Variants in RNF150 observed in about 807,000 individuals in gnomAD.
RNF150 encodes ring finger protein 150.
Under a neutral mutation model 39.3 loss-of-function variants are expected in RNF150, and 24 were observed. That is an observed-to-expected ratio of 0.61 (90% CI 0.44 to 0.86). RNF150 has a LOEUF of 0.86. Ranked by LOEUF, RNF150 falls within the 40% of genes least tolerant of loss-of-function variation. RNF150 has a pLI of 0.00. For synonymous variants in RNF150, 255 were observed against 227.3 expected (o/e 1.12, Z -1.10); for missense variants, 502 against 587.8 (o/e 0.85, Z 1.51).
chr4:141,173,206 C>G (rs974704150), intron 1 of RNF150, among the ~76,000 whole-genome samples: 1 of 152,108 alleles, frequency 6.6e-6, no homozygotes, highest in African/African-American at 2.4e-5. Context: ...ATTTATAAGG[C>G]TTTCTCTTAT....
At chr4:140,884,889 G>A (rs1294153555) in intron 6 of RNF150, among the ~76,000 whole-genome samples, 5 of 152,148 alleles carry the variant, frequency 3.3e-5, no homozygotes, top group African/African-American at 9.7e-5. Flanking sequence ...ATACTAGAGG[G>A]GAGGGGCTCT....
chr4:141,180,113 C>A (rs1447385383), intron 1 of RNF150, among the ~76,000 whole-genome samples: 2 of 152,114 alleles, frequency 1.3e-5, no homozygotes, highest in African/African-American at 4.8e-5. Flanking sequence ...TCTCACATAA[C>A]AAGAAGTCTG....
At chr4:141,123,954 A>G (rs1192700471) in intron 1 of RNF150, among the ~76,000 whole-genome samples, 1 of 152,090 alleles carries the variant, frequency 6.6e-6, no homozygotes, top group African/African-American at 2.4e-5. Context: ...TCTATCATTG[A>G]TGGATATTTG....
intron 1 of RNF150, among the ~76,000 whole-genome samples, chr4:141,039,410 GGAGGAGAAAAAAGGGA>G (rs894288916): frequency 4.6e-5 from 7 of 151,698 alleles, no homozygotes; most frequent in African/African-American, 9.7e-5. Context: ...GAAAGAAAGG[GGAGGAGAAAAAAGGGA>G]GAGGAGAAAA....
rs569268019 is a variant in RNF150 at position 141,092,315 on chromosome 4, C to T, written c.484+40010G>A. ...CTGAGATTGCGCCACTGCACTCCAG[C>T]CTGGGCAACAGAGCAAGACTCCCTG... On this transcript the variant is annotated intron_variant, in intron 1 of 6. Transcript: ENST00000515673. Among the ~76,000 whole-genome samples, 81 of 151,472 alleles carry T rather than the reference C, an allele frequency of 5.3e-4. 1 individual carries two copies. Among genetic ancestry groups the T allele is most frequent in the African/African-American group, 1.9e-3 (78 of 41,160 alleles).
At chr4:140,961,711 A>C (rs1013085214) in intron 2 of RNF150, among the ~76,000 whole-genome samples, 10 of 152,220 alleles carry the variant, frequency 6.6e-5, no homozygotes, top group Admixed American at 2.0e-4. Flanking sequence ...AAGGAGTGTT[A>C]ACTTTTAACA....
chr4:140,963,691 A>G (rs1988316743), intron 2 of RNF150, among the ~76,000 whole-genome samples: 1 of 152,090 alleles, frequency 6.6e-6, no homozygotes, highest in Non-Finnish European at 1.5e-5. Context: ...ATATAATCTC[A>G]CACACATTAG....
intron 1 of RNF150, among the ~76,000 whole-genome samples, chr4:141,018,509 C>G (rs1160460488): frequency 6.6e-6 from 1 of 152,132 alleles, no homozygotes; most frequent in Non-Finnish European, 1.5e-5. Context: ...ATGGTTATAA[C>G]TCCCTCTAGT....
At chr4:141,155,994 G>A (rs980482497) in intron 1 of RNF150, among the ~76,000 whole-genome samples, 4 of 151,060 alleles carry the variant, frequency 2.6e-5, no homozygotes, top group Non-Finnish European at 5.9e-5. Context: ...ATGGCTGGAA[G>A]GAGGAGGAAA....
At chr4:141,113,963 A>G (rs2111068220) in intron 1 of RNF150, among the ~76,000 whole-genome samples, 1 of 152,348 alleles carries the variant, frequency 6.6e-6, no homozygotes, top group African/African-American at 2.4e-5. Flanking sequence ...GAAACCAAAA[A>G]GAACAAAAAC....
In RNF150 at chr4:141,029,725, G is replaced by C. The variant is rs141453509; in HGVS notation, c.485-61852C>G. Among the ~76,000 whole-genome samples the C allele has an allele frequency of 1.1e-3, 174 of 152,264 alleles. 1 individual carries two copies. Among genetic ancestry groups the C allele is most frequent in the African/African-American group, 4.1e-3 (170 of 41,560 alleles). ...AAAAACAGTCCTATTGGTTAACAGA[G>C]TGAAAAGACAACCTATGGAATGTGA... On this transcript the variant is annotated intron_variant, in intron 1 of 6. Coordinates refer to ENST00000515673, the MANE Select transcript of RNF150 (RefSeq NM_020724.2).
chr4:141,210,043 G>C (rs1728437435), intron 1 of RNF150, among the ~76,000 whole-genome samples: 1 of 107,492 alleles, frequency 9.3e-6, no homozygotes, highest in African/African-American at 3.5e-5. Context: ...ATGGTCATTA[G>C]TCACAGATAA....
chr4:141,102,656 G>A lies in RNF150; in HGVS notation c.484+29669C>T, dbSNP rs545833872. ...ATCAGGCATCAGCACCATGATTATC[G>A]CAACAGATGACCATGGCTCGGAGGC... On this transcript the variant is annotated intron_variant, in intron 1 of 6. Transcript: ENST00000515673. Among the ~76,000 whole-genome samples the A allele has an allele frequency of 3.4e-3, 523 of 152,186 alleles. 1 individual carries two copies. Among genetic ancestry groups the A allele is most frequent in the Non-Finnish European group, 5.5e-3 (374 of 68,008 alleles).
chr4:140,982,609 C>G lies in RNF150; in HGVS notation c.485-14736G>C, dbSNP rs534354380. 2.0e-5 allele frequency among the ~76,000 whole-genome samples: 3 copies of G among 149,870 alleles called. 1 individual carries two copies. The South Asian group carries it at 6.3e-4, about 32-fold the overall frequency. On this transcript the variant is annotated intron_variant, in intron 1 of 6. Transcript: ENST00000515673. Reference sequence around the variant, plus strand: ...AAAACCTTGCAGGTCCTCATCCTGTCCAGCTTCTCTGTAGTGAGCATGGGT... The same window carrying G: ...AAAACCTTGCAGGTCCTCATCCTGTGCAGCTTCTCTGTAGTGAGCATGGGT...
chr4:141,151,716 T>C (rs1727306368), intron 1 of RNF150, among the ~76,000 whole-genome samples: 1 of 152,172 alleles, frequency 6.6e-6, no homozygotes, highest in Admixed American at 6.6e-5. Flanking sequence ...ATTTTGTGGC[T>C]TCTTGTTTGG....
intron 1 of RNF150, among the ~76,000 whole-genome samples, chr4:141,127,536 T>C (rs1415593219): frequency 1.3e-5 from 2 of 152,194 alleles, no homozygotes; most frequent in African/African-American, 4.8e-5. Context: ...AAAGGTAGCA[T>C]GAATCCATAC....
chr4:141,157,156 A>T (rs1037863973), intron 1 of RNF150, among the ~76,000 whole-genome samples: 1 of 152,134 alleles, frequency 6.6e-6, no homozygotes, highest in Non-Finnish European at 1.5e-5. Flanking sequence ...GGTTTTCATC[A>T]GTGTTTCCTC....
intron 1 of RNF150, among the ~76,000 whole-genome samples, chr4:140,981,489 C>A (rs1465816720): frequency 6.6e-6 from 1 of 152,132 alleles, no homozygotes; most frequent in African/African-American, 2.4e-5. Flanking sequence ...TTGTTTGGCA[C>A]CACCATCATT....
At position 140,896,795 on chromosome 4, in the gene RNF150, C is replaced by T. The variant is rs963217539; in HGVS notation, c.1198+14349G>A. Among the ~76,000 whole-genome samples the T allele has an allele frequency of 5.3e-4, 80 of 150,832 alleles. 1 individual carries two copies. Among genetic ancestry groups the T allele is most frequent in the African/African-American group, 9.8e-5 (4 of 40,994 alleles). On this transcript the variant is annotated intron_variant, in intron 6 of 6. Coordinates refer to ENST00000515673, the MANE Select transcript of RNF150 (RefSeq NM_020724.2). ...TTTCTAGTAGATGATTCTAGAATTA[C>T]GGCTTATGCTAAAAATGTAAGAGAA...
Sources: gnomAD v4.1 joint callset for allele counts (sites outside exome capture counted in the v4.1 genomes callset) on GRCh38, gnomAD v4.1.1 for gene constraint, MANE v1.5 for transcripts, NCBI Gene and HGNC (gene_info 2026-07-23, HGNC 2026-07-21) for gene names.